KMT2C: variants seen among roughly 807,000 people sequenced by gnomAD.
The protein encoded by KMT2C is lysine methyltransferase 2C.
A neutral mutation model predicts 507.9 loss-of-function variants in KMT2C; 88 were observed. The ratio of observed to expected loss-of-function variants is 0.17; its 90% CI spans 0.15 to 0.21. KMT2C has a LOEUF of 0.21. Ranked by LOEUF, KMT2C falls within the 10% of genes least tolerant of loss-of-function variation. KMT2C has a pLI of 1.00. For missense variants in KMT2C, 4,954 were observed against 5,957.8 expected (o/e 0.83, Z 5.55); for synonymous variants, 2,049 against 2,080.8 (o/e 0.98, Z 0.42).
chr7:152,300,841 C>T lies in KMT2C; in HGVS notation c.849+9125G>A, dbSNP rs191482660. On this transcript the variant is annotated intron_variant, in intron 6 of 58. Transcript: ENST00000262189. ...TTGGGAGGCTGAGGCGGGTGGATCA[C>T]GAGGTCAAGAGATTGAGACCATCCT... 2.2e-3 allele frequency among the ~76,000 whole-genome samples: 341 copies of T among 152,100 alleles called. 13 individuals carry two copies. The East Asian group carries it at 0.046, about 21-fold the overall frequency.
Position 152,227,736 on chromosome 7 carries a change from T to C in KMT2C, c.2976+2187A>G, listed in dbSNP as rs528118654. On this transcript the variant is annotated intron_variant, in intron 18 of 58. Transcript: ENST00000262189. ...CTCCAGAAATCTACAAAGGATCCCC[T>C]GAAGTCTTTGGTGGAACACCAAGCC... is the stretch of plus-strand genomic sequence containing the variant. 2.6e-3 allele frequency among the ~76,000 whole-genome samples: 402 copies of C among 152,336 alleles called. 4 individuals carry two copies. The highest frequency in any genetic ancestry group is 3.0e-3 in the Non-Finnish European group (205 of 68,028).
intron 23 of KMT2C, among the ~76,000 whole-genome samples, chr7:152,211,805 T>C: frequency 6.6e-6 from 1 of 152,070 alleles, no homozygotes; most frequent in African/African-American, 2.4e-5. Flanking sequence ...TCCCAGCACC[T>C]TGGGAGGCTG....
chr7:152,381,035 T>C (rs2097369494), intron 1 of KMT2C, among the ~76,000 whole-genome samples: 1 of 152,296 alleles, frequency 6.6e-6, no homozygotes, highest in African/African-American at 2.4e-5. Context: ...CTCATTTTAA[T>C]AATCCAGATT....
At chr7:152,301,768 C>A (rs1012889377) in intron 6 of KMT2C, among the ~76,000 whole-genome samples, 12 of 152,140 alleles carry the variant, frequency 7.9e-5, no homozygotes, top group Non-Finnish European at 1.5e-4. Flanking sequence ...CATGGAAAAA[C>A]ACTAGGATTC....
intron 1 of KMT2C, among the ~76,000 whole-genome samples, chr7:152,386,560 G>C (rs2097428626): frequency 6.6e-6 from 1 of 152,308 alleles, no homozygotes; most frequent in African/African-American, 2.4e-5. Context: ...AAAAGTGAAA[G>C]ATGCCTCTGT....
intron 6 of KMT2C, among the ~76,000 whole-genome samples, chr7:152,284,693 A>T (rs957312661): frequency 3.3e-5 from 5 of 151,148 alleles, no homozygotes; most frequent in African/African-American, 7.3e-5. Flanking sequence ...AATAATATAT[A>T]AAAAAACTCT....
intron 3 of KMT2C, among the ~76,000 whole-genome samples, chr7:152,322,058 C>CAA (rs34263222): frequency 0.049 from 6,777 of 138,038 alleles, 279 homozygotes; most frequent in African/African-American, 0.1. Flanking sequence ...GTACTGGCAC[C>CAA]AAAAAAAAAA....
chr7:152,135,507 TCTC>T lies in KMT2C; in HGVS notation c.*1322_*1324del, dbSNP rs893327412. On this transcript the variant is annotated 3_prime_UTR_variant, in exon 59 of 59. Transcript: ENST00000262189. Reference sequence around the variant, plus strand: ...TCCTGCAGCTGTAAGCATAATCACATCTCCTTTTTTTTTTTAACTTTTTCAAAT... The same window carrying T: ...TCCTGCAGCTGTAAGCATAATCACATCTTTTTTTTTTTAACTTTTTCAAAT... 5.8e-5 allele frequency: 13 copies of T among 223,832 alleles called. No individual in the cohort carries two copies. The highest frequency in any genetic ancestry group is 2.7e-4 in the African/African-American group (12 of 44,660). The allele number at this position is 223,832 out of a possible 1,614,324, so 13.9% of individuals were successfully genotyped here. A position where few individuals can be genotyped will look rare whatever the true frequency, so the allele number is the denominator to read the frequency against.
At chr7:152,320,030 C>T (rs534587001) in intron 3 of KMT2C, among the ~76,000 whole-genome samples, 62 of 152,220 alleles carry the variant, frequency 4.1e-4, no homozygotes, top group African/African-American at 1.4e-3. Flanking sequence ...AGTGGTCCCC[C>T]GGGCCCAGCT....
chr7:152,196,211 G>T (rs943157153), intron 27 of KMT2C, among the ~76,000 whole-genome samples, 200 bp from the exon 28 acceptor site: 1 of 152,088 alleles, frequency 6.6e-6, no homozygotes, highest in Admixed American at 6.5e-5. Flanking sequence ...AAATTCAGAC[G>T]ATTTTGTCTT....
At chr7:152,229,631 G>C (rs2095046555) in intron 18 of KMT2C, among the ~76,000 whole-genome samples, 1 of 152,070 alleles carries the variant, frequency 6.6e-6, no homozygotes, top group Non-Finnish European at 1.5e-5. Context: ...CAGACAAAAT[G>C]AATTAGCTAA....
chr7:152,280,260 C>T (rs574445062), intron 6 of KMT2C, among the ~76,000 whole-genome samples: 1 of 152,130 alleles, frequency 6.6e-6, no homozygotes, highest in South Asian at 2.1e-4. Context: ...ATGGTGAGCT[C>T]AGCAGGGTGC....
At chr7:152,161,613 T>C (rs1184523072) in intron 43 of KMT2C, among the ~76,000 whole-genome samples, 2 of 152,192 alleles carry the variant, frequency 1.3e-5, no homozygotes, top group Non-Finnish European at 2.9e-5. Context: ...AGAAAATTGA[T>C]ACATGGAAAA....
chr7:152,178,015 TAAAAAAAAA>T lies in KMT2C; in HGVS notation c.7443-14_7443-6del, dbSNP rs746018833. 1,472 of 811,076 alleles carry T rather than the reference TAAAAAAAAA, an allele frequency of 1.8e-3. 23 individuals are homozygous for T. The African/African-American group carries it at 0.04, about 22-fold the overall frequency. The allele number at this position is 811,076 out of a possible 1,614,324, so 50.2% of individuals were successfully genotyped here. A position where few individuals can be genotyped will look rare whatever the true frequency, so the allele number is the denominator to read the frequency against. ...CTACCTCCTGGAAATCCAAATCTTT[TAAAAAAAAA>T]AAAAAAAAAAAAAAAAAAGCAAATA... On this transcript the variant is annotated splice_polypyrimidine_tract_variant and splice_region_variant and intron_variant, in intron 37 of 58. Transcript: ENST00000262189.
intron 1 of KMT2C, among the ~76,000 whole-genome samples, chr7:152,416,351 C>T (rs2097735353): frequency 6.6e-6 from 1 of 152,228 alleles, no homozygotes; most frequent in South Asian, 2.1e-4. Flanking sequence ...CGAGACCATC[C>T]TAGCTAACAC....
At chr7:152,355,624 T>C (rs2097145465) in intron 2 of KMT2C, among the ~76,000 whole-genome samples, 1 of 151,778 alleles carries the variant, frequency 6.6e-6, no homozygotes, top group South Asian at 2.1e-4. Flanking sequence ...AAAAAAAAGT[T>C]TCACTCCTGA....
At chr7:152,343,209 T>C (rs1325314209) in intron 2 of KMT2C, among the ~76,000 whole-genome samples, 1 of 152,182 alleles carries the variant, frequency 6.6e-6, no homozygotes, top group Non-Finnish European at 1.5e-5. Flanking sequence ...CAACTATGAT[T>C]AATATGCTAA....
At chr7:152,335,602 T>C (rs2096926596) in intron 2 of KMT2C, among the ~76,000 whole-genome samples, 2 of 152,228 alleles carry the variant, frequency 1.3e-5, no homozygotes, top group African/African-American at 4.8e-5. Flanking sequence ...CTATCTACCA[T>C]ATATGACCTC....
At chr7:152,153,268 G>A in intron 48 of KMT2C, among the ~76,000 whole-genome samples, 1 of 152,198 alleles carries the variant, frequency 6.6e-6, no homozygotes, top group East Asian at 1.9e-4. Context: ...TGGTCAGAAA[G>A]CTTACTTCCA....
Sources: gnomAD v4.1 joint callset for allele counts (sites outside exome capture counted in the v4.1 genomes callset) on GRCh38, gnomAD v4.1.1 for gene constraint, MANE v1.5 for transcripts, NCBI Gene and HGNC (gene_info 2026-07-23, HGNC 2026-07-21) for gene names.